The following NLGN1 variants were observed in gnomAD, a reference collection of about 807,000 sequenced individuals.
NLGN1 encodes the protein neuroligin 1.
Under a neutral mutation model 65.5 loss-of-function variants are expected in NLGN1, and 12 were observed. The observed-to-expected ratio is 0.18, with a 90% CI of 0.12 to 0.30. NLGN1 has a LOEUF of 0.30. Among genes scored for constraint, NLGN1 ranks in the 10% least tolerant of loss-of-function variants. NLGN1 has a pLI of 1.00. For synonymous variants in NLGN1, 350 were observed against 359.5 expected, an observed-to-expected ratio of 0.97 and a Z score of 0.30; for missense variants, 750 against 1,007.1, an observed-to-expected ratio of 0.74 and a Z score of 3.46.
chr3:173,432,476 A>G (rs190406583), intron 1 of NLGN1, among the ~76,000 whole-genome samples: 2 of 150,460 alleles, frequency 1.3e-5, no homozygotes, highest in African/African-American at 2.5e-5. Flanking sequence ...CTCTAATGAC[A>G]TAGGATGTGG....
intron 2 of NLGN1, among the ~76,000 whole-genome samples, chr3:173,469,909 A>G (rs1311406009): frequency 4.0e-5 from 6 of 151,662 alleles, no homozygotes; most frequent in African/African-American, 1.5e-4. Flanking sequence ...TCTGTTGTAA[A>G]CATTTACCTC....
intron 1 of NLGN1, among the ~76,000 whole-genome samples, chr3:173,424,026 C>T (rs1715630715): frequency 6.6e-6 from 1 of 152,184 alleles, no homozygotes; most frequent in African/African-American, 2.4e-5. Context: ...CTTGTGTGCA[C>T]CCACAAGCTG....
chr3:173,952,793 TGA>T (rs1748478219), intron 4 of NLGN1, among the ~76,000 whole-genome samples: 1 of 150,676 alleles, frequency 6.6e-6, no homozygotes, highest in African/African-American at 2.4e-5. Flanking sequence ...TTTTTTTTTT[TGA>T]GACAGAGTTT....
chr3:173,417,426 A>G (rs1714024564), intron 1 of NLGN1, among the ~76,000 whole-genome samples: 1 of 151,946 alleles, frequency 6.6e-6, no homozygotes, highest in South Asian at 2.1e-4. Context: ...TATTTACAAA[A>G]AATAGTGATT....
At chr3:173,699,068 C>T (rs541744168) in intron 3 of NLGN1, among the ~76,000 whole-genome samples, 3 of 152,184 alleles carry the variant, frequency 2.0e-5, no homozygotes, top group African/African-American at 7.2e-5. Flanking sequence ...GTTGTTCAGG[C>T]TGGTCTCAAA....
intron 4 of NLGN1, among the ~76,000 whole-genome samples, chr3:173,887,047 A>G (rs903884906): frequency 6.6e-6 from 1 of 152,068 alleles, no homozygotes; most frequent in Non-Finnish European, 1.5e-5. Context: ...TGTAGGTGAA[A>G]TTTTAAATAG....
At chr3:173,591,238 T>C (rs1300160072) in intron 2 of NLGN1, among the ~76,000 whole-genome samples, 1 of 152,204 alleles carries the variant, frequency 6.6e-6, no homozygotes, top group Non-Finnish European at 1.5e-5. Context: ...ATACTATTTG[T>C]GTTACACAAA....
At chr3:173,894,537 G>GT (rs145395301) in intron 4 of NLGN1, among the ~76,000 whole-genome samples, 2,388 of 151,924 alleles carry the variant, frequency 0.016, 62 homozygotes, top group African/African-American at 0.051. Context: ...GGGTCATATA[G>GT]TATATGAGTG....
chr3:173,807,121 C>T (rs1202236412), intron 3 of NLGN1, among the ~76,000 whole-genome samples: 1 of 152,100 alleles, frequency 6.6e-6, no homozygotes, highest in Non-Finnish European at 1.5e-5. Context: ...TCTGACATTA[C>T]TTAGGTAGTA....
At chr3:174,192,350 GCT>G (rs1732558603) in intron 4 of NLGN1, among the ~76,000 whole-genome samples, 1 of 152,032 alleles carries the variant, frequency 6.6e-6, no homozygotes, top group Non-Finnish European at 1.5e-5. Flanking sequence ...GTGCTTGATG[GCT>G]AATAATTTCT....
chr3:174,154,543 G>T (rs546708655), intron 4 of NLGN1, among the ~76,000 whole-genome samples: 1 of 152,134 alleles, frequency 6.6e-6, no homozygotes, highest in East Asian at 1.9e-4. Context: ...TTGATGAAAT[G>T]TGTTACAATG....
intron 2 of NLGN1, among the ~76,000 whole-genome samples, chr3:173,499,797 A>G (rs1252857862): frequency 1.3e-5 from 2 of 151,630 alleles, no homozygotes; most frequent in Non-Finnish European, 2.9e-5. Context: ...ATTCCTAGGT[A>G]TTTTATTCTC....
chr3:174,219,953 A>G (rs2152804298), intron 4 of NLGN1, among the ~76,000 whole-genome samples: 1 of 152,236 alleles, frequency 6.6e-6, no homozygotes, highest in East Asian at 1.9e-4. Flanking sequence ...AGACAGAGAG[A>G]AGCTGTTGGG....
chr3:173,899,147 C>A (rs967702897), intron 4 of NLGN1, among the ~76,000 whole-genome samples: 1 of 152,078 alleles, frequency 6.6e-6, no homozygotes, highest in Non-Finnish European at 1.5e-5. Context: ...ACCATTCCCA[C>A]CTCCATCAAA....
At chr3:174,230,918 G>T (rs1025774484) in intron 4 of NLGN1, among the ~76,000 whole-genome samples, 17 of 152,124 alleles carry the variant, frequency 1.1e-4, no homozygotes, top group African/African-American at 4.1e-4. Context: ...TTGTTCAAAT[G>T]ATAATTTTGA....
chr3:173,552,692 C>G (rs1034928011), intron 2 of NLGN1, among the ~76,000 whole-genome samples: 9 of 152,142 alleles, frequency 5.9e-5, no homozygotes, highest in Admixed American at 4.6e-4. Context: ...AGGAGCCAGG[C>G]TCCTCCTGCC....
In NLGN1 at chr3:173,638,077, C is replaced by T. The variant is rs905594207; in HGVS notation, c.493+32986C>T. Among the ~76,000 whole-genome samples, 5 of 152,052 alleles carry T rather than the reference C, an allele frequency of 3.3e-5. No individual in the cohort carries two copies. In the East Asian group the frequency reaches 5.8e-4, roughly 18 times the overall value. On this transcript the variant is annotated intron_variant, in intron 3 of 6. Coordinates refer to ENST00000457714, the Ensembl canonical transcript of NLGN1. ...TCCCAGAAATCTGGAACTTGAGATA[C>T]GATTTTTTTTTCACCTATGATGAAA...
chr3:173,811,236 A>C (rs1269204561), intron 4 of NLGN1, among the ~76,000 whole-genome samples: 3 of 152,156 alleles, frequency 2.0e-5, no homozygotes, highest in African/African-American at 7.2e-5. Flanking sequence ...TTTTTTAAAC[A>C]TTCTATTGTA....
chr3:174,125,175 T>C lies in NLGN1; in HGVS notation c.647-150140T>C, dbSNP rs939112030. On this transcript the variant is annotated intron_variant, in intron 4 of 6. Coordinates refer to ENST00000457714, the Ensembl canonical transcript of NLGN1. ...AATGAAAAGGCTTAAAGTTTAGATA[T>C]GATCTTAATAGATTTTCAGATTTGA... Among the ~76,000 whole-genome samples the C allele has an allele frequency of 3.3e-5, 5 of 152,124 alleles. No individual in the cohort carries two copies. In the East Asian group the frequency reaches 5.8e-4, roughly 18 times the overall value.
Sources: allele counts gnomAD v4.1 joint callset (sites outside exome capture counted in the v4.1 genomes callset), GRCh38; gene constraint gnomAD v4.1.1; transcripts MANE v1.5; gene names NCBI Gene and HGNC (gene_info 2026-07-23, HGNC 2026-07-21).